TRAPPC9: variants seen among roughly 807,000 people sequenced by gnomAD.
TRAPPC9 encodes IKK2 binding protein.
Under a neutral mutation model 124.0 loss-of-function variants are expected in TRAPPC9, and 83 were observed. That is an observed-to-expected ratio of 0.67 (90% confidence interval 0.56 to 0.80). The LOEUF (loss-of-function observed/expected upper bound fraction) is 0.80. Among genes scored for constraint, TRAPPC9 ranks in the 30% least tolerant of loss-of-function variants. The pLI is 0.00. For missense variants in TRAPPC9, 1,302 were observed against 1,508.3 expected, an observed-to-expected ratio of 0.86 and a Z score of 2.27; for synonymous variants, 638 against 617.5, an observed-to-expected ratio of 1.03 and a Z score of -0.49.
At chr8:139,956,957 A>AT (rs1312920501) in intron 19 of TRAPPC9, among the ~76,000 whole-genome samples, 1 of 152,260 alleles carries the variant, frequency 6.6e-6, no homozygotes. Context: ...AGGACACCGG[A>AT]TAAGGCCCTG....
In TRAPPC9 at chr8:140,271,469, A is replaced by G. The variant is rs939920173; in HGVS notation, c.2278+4189T>C. Among the ~76,000 whole-genome samples the G allele has an allele frequency of 9.2e-5, 14 of 152,308 alleles. 2 individuals are homozygous for G. The highest frequency in any genetic ancestry group is 9.2e-4 in the Admixed American group (14 of 15,292). On this transcript the variant is annotated intron_variant, in intron 15 of 22. Coordinates refer to ENST00000438773, the MANE Select transcript of TRAPPC9 (RefSeq NM_001160372.4). ...AGGATGGTCACGCCACGCGTCCAAC[A>G]AAGAGCTCACACCAAGGGTATACAT...
intron 19 of TRAPPC9, among the ~76,000 whole-genome samples, chr8:139,937,242 G>A (rs1833589455): frequency 6.6e-6 from 1 of 152,202 alleles, no homozygotes; most frequent in East Asian, 1.9e-4. Flanking sequence ...AAGAGGCACA[G>A]AAGAGTGAAC....
chr8:140,304,477 G>C (rs529169025), intron 10 of TRAPPC9, among the ~76,000 whole-genome samples: 2 of 152,170 alleles, frequency 1.3e-5, no homozygotes, highest in African/African-American at 2.4e-5. Flanking sequence ...TATGAAGACA[G>C]TCCCGGATTT....
chr8:140,385,750 T>C (rs993184870), intron 7 of TRAPPC9, among the ~76,000 whole-genome samples: 1 of 152,228 alleles, frequency 6.6e-6, no homozygotes, highest in African/African-American at 2.4e-5. Context: ...AAGGAGGAGC[T>C]GGTACCATTC....
At chr8:139,980,634 G>A (rs1836829229) in intron 19 of TRAPPC9, among the ~76,000 whole-genome samples, 1 of 152,248 alleles carries the variant, frequency 6.6e-6, no homozygotes, top group Non-Finnish European at 1.5e-5. Context: ...TGCCGGGCAT[G>A]GATTCGATTC....
At chr8:140,326,579 T>C (rs1163009267) in intron 9 of TRAPPC9, among the ~76,000 whole-genome samples, 1 of 152,002 alleles carries the variant, frequency 6.6e-6, no homozygotes, top group Non-Finnish European at 1.5e-5. Flanking sequence ...ATGATGACTT[T>C]AAGATGTACA....
chr8:139,755,333 C>T (rs1342846551), intron 21 of TRAPPC9, among the ~76,000 whole-genome samples: 2 of 149,530 alleles, frequency 1.3e-5, no homozygotes, highest in East Asian at 4.0e-4. Context: ...GCAGGAAGAG[C>T]CAGGATTTGG....
At chr8:139,995,957 C>CTTGATCTAAATACCA (rs1359715357) in intron 18 of TRAPPC9, among the ~76,000 whole-genome samples, 1 of 144,960 alleles carries the variant, frequency 6.9e-6, no homozygotes, top group Non-Finnish European at 1.5e-5. Flanking sequence ...GTCCAGAATA[C>CTTGATCTAAATACCA]GATCTAAAAT....
chr8:139,819,360 A>C (rs1405064831), intron 21 of TRAPPC9, among the ~76,000 whole-genome samples: 1 of 152,182 alleles, frequency 6.6e-6, no homozygotes, highest in East Asian at 1.9e-4. Flanking sequence ...ATAATAGTAG[A>C]AATAAAGTGC....
intron 10 of TRAPPC9, among the ~76,000 whole-genome samples, chr8:140,304,818 G>A (rs773359203): frequency 1.2e-4 from 18 of 151,892 alleles, no homozygotes; most frequent in Non-Finnish European, 1.8e-4. Flanking sequence ...CAGCCCACCC[G>A]TTATCCTAGA....
intron 18 of TRAPPC9, among the ~76,000 whole-genome samples, chr8:140,020,630 A>C (rs1248970498): frequency 6.6e-6 from 1 of 152,226 alleles, no homozygotes; most frequent in Non-Finnish European, 1.5e-5. Flanking sequence ...TATCTCAAAA[A>C]AAAAAATACA....
chr8:140,221,846 C>T (rs1587956625), intron 16 of TRAPPC9, among the ~76,000 whole-genome samples: 2 of 152,166 alleles, frequency 1.3e-5, no homozygotes, highest in Non-Finnish European at 2.9e-5. Flanking sequence ...CCACGTTGCC[C>T]AGGCTGGTTT....
intron 9 of TRAPPC9, among the ~76,000 whole-genome samples, chr8:140,354,034 G>A (rs772702803): frequency 6.6e-6 from 1 of 152,204 alleles, no homozygotes; most frequent in Non-Finnish European, 1.5e-5. Context: ...TAATGGAAAC[G>A]GCATGTACGA....
chr8:139,980,434 GAA>G (rs927994599), intron 19 of TRAPPC9, among the ~76,000 whole-genome samples: 3 of 152,160 alleles, frequency 2.0e-5, no homozygotes, highest in Admixed American at 1.3e-4. Context: ...CCACAAGAAG[GAA>G]ACAAAAGTCC....
intron 17 of TRAPPC9, among the ~76,000 whole-genome samples, chr8:140,081,674 T>A (rs927849192): frequency 2.0e-5 from 3 of 152,146 alleles, no homozygotes; most frequent in African/African-American, 7.2e-5. Context: ...GCACATTTGA[T>A]TCCTGTGTAA....
rs2126128 is a variant in TRAPPC9 at position 139,776,056 on chromosome 8, C to T, written c.3056-43854G>A. 0.56 allele frequency among the ~76,000 whole-genome samples: 84,497 copies of T among 152,040 alleles called. 23,729 individuals are homozygous for T. The highest frequency in any genetic ancestry group is 0.57 in the Non-Finnish European group (38,857 of 67,980). ...CTGTCTTCCTCCTCTCACCAGGCAC[C>T]TTCAGAGGTCTTGAGCAATAGCCAC... On this transcript the variant is annotated intron_variant, in intron 21 of 22. Transcript: ENST00000438773. The surrounding 1 kb of genome is among the most constrained non-coding windows in gnomAD (Gnocchi z 4.1).
rs1031402769 is a variant in TRAPPC9, at chr8:139,907,937, G to C, written c.2964+2210C>G. Among the ~76,000 whole-genome samples the C allele has an allele frequency of 6.6e-6, 1 of 152,208 alleles. No individual in the cohort carries two copies. Among genetic ancestry groups the C allele is most frequent in the Admixed American group, 6.5e-5 (1 of 15,286 alleles). ...CGCCACTTTCTCTTTGTGAAGTGGA[G>C]TCACAGTTTTCATCTGCAAGACGGG... is the stretch of plus-strand genomic sequence containing the variant. On this transcript the variant is annotated intron_variant, in intron 20 of 22. Coordinates refer to ENST00000438773, the MANE Select transcript of TRAPPC9 (RefSeq NM_001160372.4). This position sits in a 1 kb window ranked among gnomAD's most constrained non-coding sequence, Gnocchi z 4.7.
At chr8:140,346,760 A>C (rs901936269) in intron 9 of TRAPPC9, among the ~76,000 whole-genome samples, 7 of 152,264 alleles carry the variant, frequency 4.6e-5, no homozygotes, top group African/African-American at 1.7e-4. Context: ...CAGGTGTTAA[A>C]ATTTCAATCA....
At chr8:140,163,138 G>A (rs922038048) in intron 17 of TRAPPC9, among the ~76,000 whole-genome samples, 20 of 152,314 alleles carry the variant, frequency 1.3e-4, no homozygotes, top group South Asian at 2.1e-4. Flanking sequence ...AGCTATGCAC[G>A]CAGAGGGCTT....
Sources: allele counts gnomAD v4.1 joint callset (sites outside exome capture counted in the v4.1 genomes callset), GRCh38; gene constraint gnomAD v4.1.1; non-coding constraint Gnocchi (gnomAD v3.1); transcripts MANE v1.5; gene names NCBI Gene and HGNC (gene_info 2026-07-23, HGNC 2026-07-21).